The following PICALM variants were observed in gnomAD, a reference collection of about 807,000 sequenced individuals.
PICALM encodes the protein phosphatidylinositol binding clathrin assembly protein, also known as phosphatidylinositol-binding clathrin assembly protein.
Under a neutral mutation model 80.5 loss-of-function variants are expected in PICALM, and 40 were observed. That is an observed-to-expected ratio of 0.50 (90% CI 0.39 to 0.65). The LOEUF (loss-of-function observed/expected upper bound fraction) is 0.65, where lower values mean the gene tolerates loss of function less well. Among genes scored for constraint, PICALM ranks in the 30% least tolerant of loss-of-function variants. The pLI, the probability that PICALM is intolerant of heterozygous loss-of-function variation, is 0.00. For missense variants in PICALM, 676 were observed against 778.9 expected, an observed-to-expected ratio of 0.87 and a Z score of 1.57; for synonymous variants, 288 against 260.3, an observed-to-expected ratio of 1.11 and a Z score of -1.02.
Position 86,016,653 on chromosome 11 carries a change from G to A in PICALM, c.453-1690C>T, listed in dbSNP as rs2136376451. Among the ~76,000 whole-genome samples, 3 of 152,242 alleles carry A rather than the reference G, an allele frequency of 2.0e-5. No individual in the cohort carries two copies. In the South Asian group the frequency reaches 6.2e-4, roughly 32 times the overall value. ...CCTGTACACACATAGCTGAGTGCTG[G>A]TAAAGAAAACAGCACAACTGGGCAA... On this transcript the variant is annotated intron_variant, in intron 4 of 19. Transcript: ENST00000393346.
At position 85,987,253 on chromosome 11, in the gene PICALM, CAAAG is replaced by C. The variant is rs1016171502; in HGVS notation, c.1408+2993_1408+2996del. ...TATCCCTGTTTTACAGATGAGGAAACAAAGAGAGATTACATAATGTACCCAAGGT... is the reference window on the plus strand; with the variant it reads ...TATCCCTGTTTTACAGATGAGGAAACAGAGATTACATAATGTACCCAAGGT... On this transcript the variant is annotated intron_variant, in intron 13 of 19. Coordinates refer to ENST00000393346, the MANE Select transcript of PICALM (RefSeq NM_007166.4). Among the ~76,000 whole-genome samples, 14 of 152,164 alleles carry C rather than the reference CAAAG, an allele frequency of 9.2e-5. 3 individuals carry two copies. The highest frequency in any genetic ancestry group is 3.1e-4 in the African/African-American group (13 of 41,526).
chr11:86,016,585 C>A (rs1004757810), intron 4 of PICALM, among the ~76,000 whole-genome samples: 6 of 152,170 alleles, frequency 3.9e-5, no homozygotes, highest in African/African-American at 1.4e-4. Context: ...AGTCATCTGG[C>A]AAATTCACTA....
At chr11:85,998,502 G>A (rs1480459485) in intron 11 of PICALM, among the ~76,000 whole-genome samples, 1 of 151,832 alleles carries the variant, frequency 6.6e-6, no homozygotes, top group Non-Finnish European at 1.5e-5. Context: ...TTAAGAGAAG[G>A]GGTCTGGAGG....
chr11:86,058,281 T>C (rs2096301467), intron 1 of PICALM, among the ~76,000 whole-genome samples: 1 of 152,326 alleles, frequency 6.6e-6, no homozygotes, highest in East Asian at 1.9e-4. Context: ...TCAGAACTTA[T>C]AATCACGTGG....
chr11:86,003,674 CT>C, intron 8 of PICALM: 1 of 357,184 alleles, frequency 2.8e-6, no homozygotes, highest in South Asian at 1.1e-4. Flanking sequence ...ACGTTAAGAA[CT>C]GAAAACTATG....
rs1467999307 is a variant in PICALM at position 86,026,347 on chromosome 11, A to G, written c.294T>C (p.Ala98=). ...TTAAGTTAAACAACGTGTTTCTTGA[A>G]GCCAAATACTGAATAAAACGCTGGA... ...YGNERFIQYL[A]SRNTLFNLSN... The change falls in exon 3 of 20, where the codon GCT becomes GCC. Residue 98 remains alanine, a synonymous_variant. Coordinates refer to ENST00000393346, the MANE Select transcript of PICALM (RefSeq NM_007166.4). 6.2e-7 allele frequency: 1 copy of G among 1,603,258 alleles called. No homozygotes were observed. Among genetic ancestry groups the G allele is most frequent in the East Asian group, 2.2e-5 (1 of 44,742 alleles).
intron 13 of PICALM, among the ~76,000 whole-genome samples, chr11:85,986,139 AAAAAG>A (rs1208923346): frequency 6.6e-6 from 1 of 152,168 alleles, no homozygotes; most frequent in East Asian, 1.9e-4. Context: ...AAAAAGTTAA[AAAAAG>A]AAATTAATAA....
chr11:86,015,764 T>G (rs2095471754), intron 4 of PICALM, among the ~76,000 whole-genome samples: 2 of 152,200 alleles, frequency 1.3e-5, no homozygotes, highest in South Asian at 4.1e-4. Flanking sequence ...TTCTACTGAT[T>G]TACTGTTTGG....
At chr11:86,047,930 T>C (rs2096104800) in intron 1 of PICALM, among the ~76,000 whole-genome samples, 1 of 151,792 alleles carries the variant, frequency 6.6e-6, no homozygotes, top group Admixed American at 6.6e-5. Context: ...TGAAACCTCG[T>C]CTCTACTAAA....
At chr11:86,015,027 C>T (rs910379245) in intron 4 of PICALM, 64 bp from the exon 5 acceptor site, 4 of 952,156 alleles carry the variant, frequency 4.2e-6, no homozygotes, top group Admixed American at 5.3e-5. Flanking sequence ...TTTCAAACTC[C>T]CCCCCTGGTT....
chr11:86,012,096 G>C (rs926806345), intron 6 of PICALM, among the ~76,000 whole-genome samples, 185 bp downstream of exon 6: 1 of 151,680 alleles, frequency 6.6e-6, no homozygotes, highest in Non-Finnish European at 1.5e-5. Flanking sequence ...GAACATCCTG[G>C]GTATAAAAAT....
intron 1 of PICALM, among the ~76,000 whole-genome samples, chr11:86,058,172 G>T (rs536370805): frequency 9.0e-6 from 1 of 111,304 alleles, no homozygotes; most frequent in Non-Finnish European, 1.9e-5. Context: ...TTTAAAATAT[G>T]GCACACATTC....
chr11:86,011,267 T>C (rs2095389564), intron 6 of PICALM, 131 bp from the exon 7 acceptor site: 2 of 554,244 alleles, frequency 3.6e-6, no homozygotes, highest in East Asian at 3.1e-5. Context: ...AAAATATCAG[T>C]GTTAAGTTAG....
At chr11:85,962,624 AAG>A (rs1359985492) in intron 19 of PICALM, among the ~76,000 whole-genome samples, 1 of 152,244 alleles carries the variant, frequency 6.6e-6, no homozygotes, top group Non-Finnish European at 1.5e-5. Flanking sequence ...CCTTGAGAAA[AAG>A]AGCTGGTTTT....
At chr11:85,988,650 G>A (rs1173884067) in intron 13 of PICALM, among the ~76,000 whole-genome samples, 1 of 151,884 alleles carries the variant, frequency 6.6e-6, no homozygotes, top group Non-Finnish European at 1.5e-5. Flanking sequence ...AGCAGCTAGG[G>A]AGGCACGTGA....
intron 19 of PICALM, among the ~76,000 whole-genome samples, chr11:85,970,382 G>GA (rs1198391999): frequency 1.3e-5 from 2 of 152,184 alleles, no homozygotes; most frequent in African/African-American, 4.8e-5. Context: ...TACTTATTGA[G>GA]AATTGTAAAA....
intron 1 of PICALM, among the ~76,000 whole-genome samples, chr11:86,060,801 C>T (rs1446157482): frequency 2.7e-5 from 4 of 149,886 alleles, no homozygotes; most frequent in South Asian, 2.1e-4. Flanking sequence ...AAATGGATCA[C>T]AGACCTAAAT....
intron 19 of PICALM, among the ~76,000 whole-genome samples, chr11:85,967,975 C>A (rs1396078912): frequency 6.6e-6 from 1 of 152,074 alleles, no homozygotes; most frequent in African/African-American, 2.4e-5. Context: ...GCATCTTTAA[C>A]CATATCCTCC....
In PICALM at chr11:85,958,816, T is replaced by A. The variant is rs1419636400; in HGVS notation, c.*230A>T. ...AAGGGTTAGTCACCAAAAAGACAGA[T>A]CTTAGTCTTAAATCATAGCAATTCT... On this transcript the variant is annotated 3_prime_UTR_variant, in exon 20 of 20. Coordinates refer to ENST00000393346, the MANE Select transcript of PICALM (RefSeq NM_007166.4). The A allele has an allele frequency of 2.4e-6, 1 of 412,926 alleles. No homozygotes were observed. The highest frequency in any genetic ancestry group is 2.0e-5 in the African/African-American group (1 of 49,794). The allele number at this position is 412,926 out of a possible 1,614,324, so 25.6% of individuals were successfully genotyped here. A position where few individuals can be genotyped will look rare whatever the true frequency, so the allele number is the denominator to read the frequency against.
Sources: allele counts gnomAD v4.1 joint callset (sites outside exome capture counted in the v4.1 genomes callset), GRCh38; gene constraint gnomAD v4.1.1; transcripts MANE v1.5; gene names NCBI Gene and HGNC (gene_info 2026-07-23, HGNC 2026-07-21).